Variants in ABCF2 observed in about 807,000 individuals in gnomAD.
The protein encoded by ABCF2 is ATP-binding cassette sub-family F member 2.
ABCF2 carries 37 observed loss-of-function variants against 76.9 expected under a neutral mutation model. That is an observed-to-expected ratio of 0.48 (90% CI 0.37 to 0.63). The LOEUF (loss-of-function observed/expected upper bound fraction) is 0.63. ABCF2 is among the 30% of genes least tolerant of loss of function. The pLI is 0.00. For synonymous variants in ABCF2, 299 were observed against 283.7 expected (o/e 1.05, Z -0.54); for missense variants, 524 against 782.1 (o/e 0.67, Z 3.94).
At position 151,215,176 on chromosome 7, in the gene ABCF2, G is replaced by T; in HGVS notation, c.1531-94C>A. 8.4e-7 allele frequency: 1 copy of T among 1,191,256 alleles called. No individual in the cohort carries two copies. The highest frequency in any genetic ancestry group is 1.2e-6 in the Non-Finnish European group (1 of 828,914). 73.8% of individuals were successfully genotyped at this position (1,191,256 alleles called of 1,614,324 possible). A position where few individuals can be genotyped will look rare whatever the true frequency, so the allele number is the denominator to read the frequency against. On this transcript the variant is annotated intron_variant, in intron 13 of 14. Transcript: ENST00000287844. The surrounding 1 kb of genome is among the most constrained non-coding windows in gnomAD (Gnocchi z 4.6). Reference sequence around the variant, plus strand: ...TCATTTCTCCCTGACTCCTCCATTAGCATCGCCATTTATAAAAAGTGAGGC... The same window carrying T: ...TCATTTCTCCCTGACTCCTCCATTATCATCGCCATTTATAAAAAGTGAGGC...
intron 7 of ABCF2, 92 bp from the exon 8 acceptor site, chr7:151,219,251 A>G: frequency 9.1e-7 from 1 of 1,104,042 alleles, no homozygotes; most frequent in Non-Finnish European, 1.4e-6. Context: ...GAGGGATGGC[A>G]CTAACTTGGC....
chr7:151,221,590 C>T lies in ABCF2; in HGVS notation c.909G>A (p.Leu303=). 5 of 1,591,370 alleles carry T rather than the reference C, an allele frequency of 3.1e-6. No homozygotes were observed. The highest frequency in any genetic ancestry group is 4.3e-6 in the Non-Finnish European group (5 of 1,160,594). The change falls in exon 7 of 15, where the codon CTG becomes CTA. Residue 303 remains leucine, a synonymous_variant. Coordinates refer to ENST00000287844, the MANE Select transcript of ABCF2 (RefSeq NM_007189.3). Reference sequence around the variant, plus strand: ...GAGGCCCACTCACCGTATAATACTTCAGTTTCTTGTTGTGCATGTGAATGA... The same window carrying T: ...GAGGCCCACTCACCGTATAATACTTTAGTTTCTTGTTGTGCATGTGAATGA... ...TNIIHMHNKK[L]KYYTGNYDQY...
Position 151,215,865 on chromosome 7 carries a change from G to A in ABCF2, c.1401+102C>T. On this transcript the variant is annotated intron_variant, in intron 12 of 14. Coordinates refer to ENST00000287844, the MANE Select transcript of ABCF2 (RefSeq NM_007189.3). This position sits in a 1 kb window ranked among gnomAD's most constrained non-coding sequence, Gnocchi z 4.6. ...AAGCAGGTAGGAGCCACCTAGGCTG[G>A]AATTCCTGCCAGGGGGTGGGGGCGG... is the stretch of plus-strand genomic sequence containing the variant. 3 of 1,586,194 alleles carry A rather than the reference G, an allele frequency of 1.9e-6. No homozygotes were observed. Among genetic ancestry groups the A allele is most frequent in the Non-Finnish European group, 2.6e-6 (3 of 1,160,788 alleles).
Position 151,213,276 on chromosome 7 carries a change from T to G in ABCF2, c.*778A>C. Reference sequence around the variant, plus strand: ...CTGAGGCGAGATCTGGCAATCTGATTGCATGAGCCCTCCAGGTGATTCTGA... The same window carrying G: ...CTGAGGCGAGATCTGGCAATCTGATGGCATGAGCCCTCCAGGTGATTCTGA... On this transcript the variant is annotated 3_prime_UTR_variant, in exon 15 of 15. Coordinates refer to ENST00000287844, the MANE Select transcript of ABCF2 (RefSeq NM_007189.3). 1 of 978,254 alleles carries G rather than the reference T, an allele frequency of 1.0e-6. No homozygotes were observed. The highest frequency in any genetic ancestry group is 1.2e-6 in the Non-Finnish European group (1 of 823,492). 60.6% of individuals were successfully genotyped at this position (978,254 alleles called of 1,614,324 possible). A position where few individuals can be genotyped will look rare whatever the true frequency, so the allele number is the denominator to read the frequency against.
rs1397772421 is a variant in ABCF2 at position 151,214,722 on chromosome 7, A to G, written c.1734+157T>C. Among the ~76,000 whole-genome samples the G allele has an allele frequency of 6.6e-6, 1 of 152,128 alleles. No individual in the cohort carries two copies. The highest frequency in any genetic ancestry group is 2.4e-5 in the African/African-American group (1 of 41,424). ...AGTTAAGGCTTTCTAAGTAGCCCCAAAGAGGCATAAGAACTGGTCCTCACC... is the reference window on the plus strand; with the variant it reads ...AGTTAAGGCTTTCTAAGTAGCCCCAGAGAGGCATAAGAACTGGTCCTCACC... On this transcript the variant is annotated intron_variant, in intron 14 of 14. Coordinates refer to ENST00000287844, the MANE Select transcript of ABCF2 (RefSeq NM_007189.3). The surrounding 1 kb of genome is among the most constrained non-coding windows in gnomAD (Gnocchi z 4.9).
Position 151,215,043 on chromosome 7 carries a change from G to A in ABCF2, c.1570C>T (p.Arg524Ter). 6.2e-7 allele frequency: 1 copy of A among 1,614,068 alleles called. No individual in the cohort carries two copies. Among genetic ancestry groups the A allele is most frequent in the Non-Finnish European group, 8.5e-7 (1 of 1,179,996 alleles). The change falls in exon 14 of 15, where the codon CGA (arginine) becomes TGA (stop). Residue 524 changes from arginine to a stop codon, truncating the protein, a stop_gained. Transcript: ENST00000287844. LOFTEE classifies it high-confidence loss of function. The surrounding 1 kb of genome is among the most constrained non-coding windows in gnomAD (Gnocchi z 4.6). ...CAGGCCAGCCAGGCCAGACACACTC[G>A]GCACTTCTGCCCGTCTGACAAGTTC... ...IRNLSDGQKC[R>*]VCLAWLAWQN... is the part of the protein sequence containing the mutation.
Position 151,214,012 on chromosome 7 carries a change from A to G in ABCF2, c.*42T>C, listed in dbSNP as rs759722268. On this transcript the variant is annotated 3_prime_UTR_variant, in exon 15 of 15. Transcript: ENST00000287844. The surrounding 1 kb of genome is among the most constrained non-coding windows in gnomAD (Gnocchi z 4.9). The stretch of plus-strand genomic sequence containing the variant: ...GCGGCTGGTCAGGTTAGCAGCTGTT[A>G]GTTCCCAGATGGAGCTCCTGACCCG... The G allele has an allele frequency of 3.1e-6, 5 of 1,608,082 alleles. No individual in the cohort carries two copies. The East Asian group carries it at 6.7e-5, about 22-fold the overall frequency.
chr7:151,215,630 G>A lies in ABCF2; in HGVS notation c.1504C>T (p.Arg502Ter), dbSNP rs749440754. The A allele has an allele frequency of 2.5e-6, 4 of 1,613,992 alleles. No homozygotes were observed. The highest frequency in any genetic ancestry group is 1.3e-5 in the African/African-American group (1 of 74,982). Reference sequence around the variant, plus strand: ...TGTTGTTTCCCAGTGAGACCGTATCGCCCAATGATCTTCCTCATTTCTTCC... The same window carrying A: ...TGTTGTTTCCCAGTGAGACCGTATCACCCAATGATCTTCCTCATTTCTTCC... ...EKEEMRKIIG[R>*]YGLTGKQQVS... The change falls in exon 13 of 15, where the codon CGA becomes TGA. Residue 502 changes from arginine to a stop codon, truncating the protein, a stop_gained. Transcript: ENST00000287844. LOFTEE classifies it high-confidence loss of function. The surrounding 1 kb of genome is among the most constrained non-coding windows in gnomAD (Gnocchi z 4.6).
intron 7 of ABCF2, among the ~76,000 whole-genome samples, chr7:151,220,560 C>G (rs1330655019): frequency 7.2e-5 from 11 of 152,146 alleles, no homozygotes; most frequent in Admixed American, 7.2e-4. Context: ...TTCTTACATG[C>G]TTTTTGAAAT....
At chr7:151,223,378 G>A (rs1410936956) in intron 5 of ABCF2, among the ~76,000 whole-genome samples, 1 of 152,144 alleles carries the variant, frequency 6.6e-6, no homozygotes, top group Non-Finnish European at 1.5e-5. Context: ...AGGGTGGAAA[G>A]GGAATCCTGG....
rs1328813368 is a variant in ABCF2 at position 151,219,063 on chromosome 7, C to A, written c.1017+1G>T. 6.2e-7 allele frequency: 1 copy of A among 1,614,030 alleles called. No individual in the cohort carries two copies. The highest frequency in any genetic ancestry group is 8.5e-7 in the Non-Finnish European group (1 of 1,179,986). On this transcript the variant is annotated splice_donor_variant, in intron 8 of 14. Transcript: ENST00000287844. LOFTEE classifies it high-confidence loss of function. ...TGAGCCTGACTCTGCAGTCTCCCTACCTTCATGTGTGCAATCTGATCTTGC... is the reference window on the plus strand; with the variant it reads ...TGAGCCTGACTCTGCAGTCTCCCTAACTTCATGTGTGCAATCTGATCTTGC...
chr7:151,224,592 G>A (rs758367236), intron 3 of ABCF2, among the ~76,000 whole-genome samples, 184 bp downstream of exon 3: 6 of 152,196 alleles, frequency 3.9e-5, no homozygotes, highest in African/African-American at 9.7e-5. Flanking sequence ...TCAGATAAGG[G>A]ATACTCAACC....
At position 151,214,728 on chromosome 7, in the gene ABCF2, C is replaced by T; in HGVS notation, c.1734+151G>A. The T allele has an allele frequency of 4.4e-6, 3 of 681,446 alleles. No homozygotes were observed. The South Asian group carries it at 5.7e-5, about 13-fold the overall frequency. 42.2% of individuals were successfully genotyped at this position (681,446 alleles called of 1,614,324 possible). On this transcript the variant is annotated intron_variant, in intron 14 of 14. Coordinates refer to ENST00000287844, the MANE Select transcript of ABCF2 (RefSeq NM_007189.3). This position sits in a 1 kb window ranked among gnomAD's most constrained non-coding sequence, Gnocchi z 4.9. ...GGCTTTCTAAGTAGCCCCAAAGAGGCATAAGAACTGGTCCTCACCACCTGT... is the reference window on the plus strand; with the variant it reads ...GGCTTTCTAAGTAGCCCCAAAGAGGTATAAGAACTGGTCCTCACCACCTGT...
Position 151,219,076 on chromosome 7 carries a change from A to C in ABCF2, c.1005T>G (p.Ile335Met), listed in dbSNP as rs911087215. The stretch of plus-strand genomic sequence containing the variant: ...GCAGTCTCCCTACCTTCATGTGTGC[A>C]ATCTGATCTTGCTCCCAGTGAAACC... ...MKRFHWEQDQ[I>M]AHMKNYIARF... Residue 335 changes from isoleucine to methionine, a missense_variant, in exon 8 of 15, where the codon ATT becomes ATG. Transcript: ENST00000287844. The C allele has an allele frequency of 5.6e-6, 9 of 1,614,052 alleles. No individual in the cohort carries two copies. The highest frequency in any genetic ancestry group is 7.6e-6 in the Non-Finnish European group (9 of 1,180,006).
chr7:151,224,993 G>A lies in ABCF2; in HGVS notation c.155-5C>T, dbSNP rs778141680. ...CCTTGGTCAGCAAATCTACTTCTGC[G>A]GATAGAAAAGCAGTTTGGGAAGATG... On this transcript the variant is annotated splice_region_variant and splice_polypyrimidine_tract_variant and intron_variant, in intron 2 of 14. Coordinates refer to ENST00000287844, the MANE Select transcript of ABCF2 (RefSeq NM_007189.3). 2.7e-5 allele frequency: 43 copies of A among 1,613,380 alleles called. No individual in the cohort carries two copies. The East Asian group carries it at 6.2e-4, about 23-fold the overall frequency.
intron 2 of ABCF2, among the ~76,000 whole-genome samples, chr7:151,225,641 T>C (rs1363287655): frequency 6.6e-6 from 1 of 152,184 alleles, no homozygotes; most frequent in Non-Finnish European, 1.5e-5. Flanking sequence ...ATCCAAGAGA[T>C]AATAAATAGT....
chr7:151,222,551 G>T lies in ABCF2; in HGVS notation c.788C>A (p.Ala263Asp). ...TAGTTCTTCTTCCAACCACACGCAA[G>T]CATCTAGGTCCAGGTGGTTGGTAGG... is the stretch of plus-strand genomic sequence containing the variant. Reference protein sequence around the residue: ...DEPTNHLDLDACVWLEEELKT... With the variant: ...DEPTNHLDLDDCVWLEEELKT... Residue 263 changes from alanine (A) to aspartate (D), a missense_variant, in exon 6 of 15, where the codon GCT becomes GAT. Coordinates refer to ENST00000287844, the MANE Select transcript of ABCF2 (RefSeq NM_007189.3). The T allele has an allele frequency of 6.2e-7, 1 of 1,613,752 alleles. No individual in the cohort carries two copies. Among genetic ancestry groups the T allele is most frequent in the Non-Finnish European group, 8.5e-7 (1 of 1,179,802 alleles).
At chr7:151,220,610 A>G (rs964443454) in intron 7 of ABCF2, among the ~76,000 whole-genome samples, 1 of 152,162 alleles carries the variant, frequency 6.6e-6, no homozygotes, top group Non-Finnish European at 1.5e-5. Flanking sequence ...GGCTATTGAG[A>G]TCCTGACCCC....
At position 151,213,892 on chromosome 7, in the gene ABCF2, A is replaced by T. The variant is rs910013864; in HGVS notation, c.*162T>A. 7 of 1,450,082 alleles carry T rather than the reference A, an allele frequency of 4.8e-6. No homozygotes were observed. The highest frequency in any genetic ancestry group is 6.3e-6 in the Non-Finnish European group (7 of 1,109,478). The allele number at this position is 1,450,082 out of a possible 1,614,324, so 89.8% of individuals were successfully genotyped here. On this transcript the variant is annotated 3_prime_UTR_variant, in exon 15 of 15. Transcript: ENST00000287844. ...GACAGGTACTGTCCAGCTGTAGGTA[A>T]GAGAGTGCAGCTAAGGCAGGTTGAG...
Sources: gnomAD v4.1 joint callset for allele counts (sites outside exome capture counted in the v4.1 genomes callset) on GRCh38, gnomAD v4.1.1 for gene constraint, Gnocchi (gnomAD v3.1) non-coding constraint, MANE v1.5 for transcripts, NCBI Gene and HGNC (gene_info 2026-07-23, HGNC 2026-07-21) for gene names.